The following KIF16B variants were observed in gnomAD, a reference collection of about 807,000 sequenced individuals.
KIF16B encodes the protein kinesin-like protein KIF16B.
Under a neutral mutation model 156.3 loss-of-function variants are expected in KIF16B, and 98 were observed. The ratio of observed to expected loss-of-function variants is 0.63; its 90% CI spans 0.53 to 0.74. KIF16B has a LOEUF of 0.74. Among genes scored for constraint, KIF16B ranks in the 30% least tolerant of loss-of-function variants. KIF16B has a pLI of 0.00. For missense variants in KIF16B, 1,421 were observed against 1,606.5 expected, an observed-to-expected ratio of 0.88 and a Z score of 1.97; for synonymous variants, 564 against 583.7, an observed-to-expected ratio of 0.97 and a Z score of 0.49.
At chr20:16,399,467 G>C (rs761102812) in intron 17 of KIF16B, among the ~76,000 whole-genome samples, 1 of 152,200 alleles carries the variant, frequency 6.6e-6, no homozygotes, top group Admixed American at 6.5e-5. Context: ...CCCCAGCACA[G>C]GGCTGGACAA....
intron 17 of KIF16B, among the ~76,000 whole-genome samples, chr20:16,384,191 T>A (rs1400356378): frequency 6.6e-6 from 1 of 152,202 alleles, no homozygotes; most frequent in Non-Finnish European, 1.5e-5. Context: ...GAGCACCTAC[T>A]TTTTAAAAAT....
chr20:16,295,211 T>A (rs2063366634), intron 25 of KIF16B, among the ~76,000 whole-genome samples: 1 of 151,988 alleles, frequency 6.6e-6, no homozygotes, highest in African/African-American at 2.4e-5. Flanking sequence ...ATAGTGCATA[T>A]CCCCCGGGCC....
chr20:16,413,495 T>C (rs935476786), intron 15 of KIF16B, among the ~76,000 whole-genome samples: 23 of 152,170 alleles, frequency 1.5e-4, no homozygotes, highest in Non-Finnish European at 3.1e-4. Context: ...ACTCATTTTT[T>C]CTCCTACTGT....
intron 12 of KIF16B, among the ~76,000 whole-genome samples, chr20:16,481,099 G>A (rs900131079): frequency 6.6e-6 from 1 of 152,104 alleles, no homozygotes; most frequent in Non-Finnish European, 1.5e-5. Context: ...GAGATTTGGG[G>A]GTATCACTCC....
intron 10 of KIF16B, among the ~76,000 whole-genome samples, chr20:16,499,368 T>C (rs535204173): frequency 6.6e-6 from 1 of 152,332 alleles, no homozygotes; most frequent in South Asian, 2.1e-4. Flanking sequence ...ATTTTCGTCA[T>C]TAGGGATGTT....
At chr20:16,538,345 A>G (rs1202677565) in intron 1 of KIF16B, among the ~76,000 whole-genome samples, 1 of 152,206 alleles carries the variant, frequency 6.6e-6, no homozygotes, top group Admixed American at 6.5e-5. Flanking sequence ...CAGCAAATAA[A>G]TCCTGACATT....
intron 23 of KIF16B, 128 bp from the exon 24 acceptor site, chr20:16,336,143 A>T (rs948910127): frequency 1.6e-6 from 1 of 623,788 alleles, no homozygotes; most frequent in Non-Finnish European, 2.8e-6. Flanking sequence ...AACTGAAAAC[A>T]TTAATCTAGC....
At chr20:16,519,659 G>C (rs1297790865) in intron 3 of KIF16B, among the ~76,000 whole-genome samples, 2 of 152,232 alleles carry the variant, frequency 1.3e-5, no homozygotes, top group African/African-American at 4.8e-5. Context: ...TTCCCAGGCG[G>C]TACTGATGAT....
At chr20:16,399,629 T>G (rs965463437) in intron 17 of KIF16B, among the ~76,000 whole-genome samples, 2 of 152,092 alleles carry the variant, frequency 1.3e-5, no homozygotes, top group African/African-American at 4.8e-5. Flanking sequence ...TCCCATGGGG[T>G]GTCTGATCGT....
chr20:16,274,803 T>C (rs1234212957), intron 25 of KIF16B, among the ~76,000 whole-genome samples: 2 of 152,168 alleles, frequency 1.3e-5, no homozygotes, highest in Non-Finnish European at 2.9e-5. Flanking sequence ...GACAAAGAAT[T>C]ATCTGGCCCA....
chr20:16,275,342 C>T (rs2063044926), intron 25 of KIF16B, among the ~76,000 whole-genome samples: 1 of 152,212 alleles, frequency 6.6e-6, no homozygotes, highest in South Asian at 2.1e-4. Context: ...AGGTGTGAGC[C>T]ACTGCGCCCG....
chr20:16,311,356 GTGCACGCC>G (rs1208360902), intron 25 of KIF16B, among the ~76,000 whole-genome samples: 1 of 152,130 alleles, frequency 6.6e-6, no homozygotes, highest in Non-Finnish European at 1.5e-5. Flanking sequence ...GGGCATGGTG[GTGCACGCC>G]TGTAATCTCA....
intron 21 of KIF16B, among the ~76,000 whole-genome samples, chr20:16,371,106 GT>G (rs148243704): frequency 0.093 from 14,216 of 152,176 alleles, 815 homozygotes; most frequent in Non-Finnish European, 0.14. Flanking sequence ...CTTAAAAGTT[GT>G]CATAATTACA....
chr20:16,347,915 T>G (rs187839301), intron 23 of KIF16B, among the ~76,000 whole-genome samples: 179 of 152,228 alleles, frequency 1.2e-3, no homozygotes, highest in African/African-American at 4.1e-3. Flanking sequence ...CTGTACAGAG[T>G]TTATCTAATA....
intron 20 of KIF16B, 101 bp downstream of exon 20, chr20:16,374,156 C>G (rs1308798470): frequency 8.2e-7 from 1 of 1,212,704 alleles, no homozygotes; most frequent in Non-Finnish European, 1.1e-6. Flanking sequence ...TACTTGTTGC[C>G]CTTAATAGAG....
intron 12 of KIF16B, among the ~76,000 whole-genome samples, chr20:16,442,232 C>A (rs2066819786): frequency 6.6e-6 from 1 of 151,932 alleles, no homozygotes; most frequent in Non-Finnish European, 1.5e-5. Context: ...ATATTGTATT[C>A]TTGAAAAATG....
chr20:16,412,681 G>C (rs868790170), intron 15 of KIF16B, among the ~76,000 whole-genome samples: 29 of 151,962 alleles, frequency 1.9e-4, no homozygotes, highest in African/African-American at 6.3e-4. Context: ...GCAGAATGGG[G>C]GTAACCACCC....
chr20:16,466,080 A>G (rs1034718075), intron 12 of KIF16B, among the ~76,000 whole-genome samples: 5 of 152,246 alleles, frequency 3.3e-5, no homozygotes, highest in African/African-American at 4.8e-5. Context: ...AAGTTTGTTT[A>G]GCTCATTTGT....
intron 6 of KIF16B, 59 bp downstream of exon 6, chr20:16,511,359 A>C: frequency 1.1e-6 from 1 of 934,928 alleles, no homozygotes. Flanking sequence ...TTTTTCATTG[A>C]AAGTGTTATT....
Sources: gnomAD v4.1 joint callset for allele counts (sites outside exome capture counted in the v4.1 genomes callset) on GRCh38, gnomAD v4.1.1 for gene constraint, MANE v1.5 for transcripts, NCBI Gene and HGNC (gene_info 2026-07-23, HGNC 2026-07-21) for gene names.